The following LRRC4C variants were observed in gnomAD, a reference collection of about 807,000 sequenced individuals.
The protein encoded by LRRC4C is leucine rich repeat containing 4C, also known as leucine-rich repeat-containing protein 4C.
In LRRC4C, 5 loss-of-function variants were observed where a neutral mutation model predicts 33.6. The observed-to-expected ratio is 0.15, with a 90% CI of 0.08 to 0.31. The LOEUF (loss-of-function observed/expected upper bound fraction) is 0.31. Among genes scored for constraint, LRRC4C ranks in the 10% least tolerant of loss-of-function variants. The pLI is 1.00. For missense variants in LRRC4C, 560 were observed against 796.7 expected (o/e 0.70, Z 3.58); for synonymous variants, 329 against 302.0 (o/e 1.09, Z -0.93).
At chr11:40,920,621 A>G (rs1957132903) in intron 2 of LRRC4C, among the ~76,000 whole-genome samples, 1 of 152,134 alleles carries the variant, frequency 6.6e-6, no homozygotes. Flanking sequence ...CAGATTCATG[A>G]GTGGCCAGTC....
At chr11:41,008,541 T>C (rs773380286) in intron 1 of LRRC4C, among the ~76,000 whole-genome samples, 4 of 152,168 alleles carry the variant, frequency 2.6e-5, no homozygotes, top group Admixed American at 1.3e-4. Context: ...CAGACCTCCT[T>C]CTCAGTTTTA....
intron 4 of LRRC4C, among the ~76,000 whole-genome samples, chr11:40,243,506 C>A (rs1482225360): frequency 6.6e-6 from 1 of 152,018 alleles, no homozygotes; most frequent in Non-Finnish European, 1.5e-5. Flanking sequence ...TAGTTAGTGA[C>A]AAAAGTTAGA....
chr11:40,183,967 A>G (rs1020965326), intron 5 of LRRC4C, among the ~76,000 whole-genome samples: 7 of 152,234 alleles, frequency 4.6e-5, no homozygotes, highest in Non-Finnish European at 8.8e-5. Context: ...TAAATCATTA[A>G]CAGAAGACAG....
chr11:40,231,364 T>A (rs1865183580), intron 5 of LRRC4C, among the ~76,000 whole-genome samples: 1 of 152,322 alleles, frequency 6.6e-6, no homozygotes, highest in East Asian at 1.9e-4. Context: ...ACCGCACAAC[T>A]ATTTTTATTA....
intron 5 of LRRC4C, among the ~76,000 whole-genome samples, chr11:40,202,975 T>C (rs893931533): frequency 6.6e-6 from 1 of 152,222 alleles, no homozygotes; most frequent in African/African-American, 2.4e-5. Context: ...CTATTTACTT[T>C]TTTTTGTCCT....
chr11:40,649,830 A>G (rs1282082144), intron 2 of LRRC4C, among the ~76,000 whole-genome samples: 1 of 152,200 alleles, frequency 6.6e-6, no homozygotes, highest in African/African-American at 2.4e-5. Flanking sequence ...TTCACAATTT[A>G]TGTTCCTCTG....
At chr11:40,436,559 T>C (rs1951147948) in intron 3 of LRRC4C, among the ~76,000 whole-genome samples, 1 of 152,174 alleles carries the variant, frequency 6.6e-6, no homozygotes, top group African/African-American at 2.4e-5. Flanking sequence ...CCTGTCCTGC[T>C]TGAAGAGCCT....
intron 1 of LRRC4C, among the ~76,000 whole-genome samples, chr11:40,976,332 C>T (rs1852083317): frequency 6.6e-6 from 1 of 152,152 alleles, no homozygotes; most frequent in South Asian, 2.1e-4. Context: ...ACTATAATCA[C>T]TCAGAAAATA....
At chr11:40,390,173 C>T (rs1332343564) in intron 3 of LRRC4C, among the ~76,000 whole-genome samples, 3 of 152,174 alleles carry the variant, frequency 2.0e-5, no homozygotes, top group Non-Finnish European at 2.9e-5. Context: ...TCTGTTTAAA[C>T]AGTAAAGCAA....
chr11:41,109,494 G>T (rs1465464682), intron 1 of LRRC4C, among the ~76,000 whole-genome samples: 2 of 152,042 alleles, frequency 1.3e-5, no homozygotes, highest in Non-Finnish European at 2.9e-5. Flanking sequence ...AACTTACATT[G>T]CTTTGGCCCC....
At chr11:41,410,074 T>G (rs1954403657) in intron 1 of LRRC4C, among the ~76,000 whole-genome samples, 1 of 152,202 alleles carries the variant, frequency 6.6e-6, no homozygotes, top group East Asian at 1.9e-4. Context: ...AAGGGGCCTA[T>G]GTAGGCCCCA....
At chr11:40,567,255 A>T (rs2135543301) in intron 3 of LRRC4C, among the ~76,000 whole-genome samples, 1 of 152,274 alleles carries the variant, frequency 6.6e-6, no homozygotes, top group East Asian at 1.9e-4. Context: ...AGCCTTTTCA[A>T]AACACTTGGT....
At chr11:40,160,017 A>G (rs1421636277) in intron 5 of LRRC4C, among the ~76,000 whole-genome samples, 1 of 152,250 alleles carries the variant, frequency 6.6e-6, no homozygotes, top group African/African-American at 2.4e-5. Flanking sequence ...TATTACATGA[A>G]TAACAGAATG....
At chr11:40,543,375 T>A (rs1956798294) in intron 3 of LRRC4C, among the ~76,000 whole-genome samples, 1 of 152,156 alleles carries the variant, frequency 6.6e-6, no homozygotes, top group Admixed American at 6.6e-5. Flanking sequence ...CTCTTCTTTA[T>A]GCCTTTGTTA....
intron 1 of LRRC4C, among the ~76,000 whole-genome samples, chr11:41,221,356 A>G (rs1204532640): frequency 6.6e-6 from 1 of 152,148 alleles, no homozygotes. Flanking sequence ...ATGAGATACC[A>G]TTTAACACCA....
intron 4 of LRRC4C, among the ~76,000 whole-genome samples, chr11:40,270,014 T>C (rs968381196): frequency 6.6e-6 from 1 of 152,158 alleles, no homozygotes; most frequent in Non-Finnish European, 1.5e-5. Context: ...CAGCTAAGGC[T>C]TCTCCTGAAA....
At chr11:41,104,019 T>C (rs867399810) in intron 1 of LRRC4C, among the ~76,000 whole-genome samples, 1 of 151,886 alleles carries the variant, frequency 6.6e-6, no homozygotes, top group Non-Finnish European at 1.5e-5. Flanking sequence ...CAAGAAAATA[T>C]AGGATCAAAT....
chr11:40,996,729 C>A (rs1009289853), intron 1 of LRRC4C, among the ~76,000 whole-genome samples: 1 of 152,034 alleles, frequency 6.6e-6, no homozygotes, highest in Non-Finnish European at 1.5e-5. Context: ...ACACTTATGA[C>A]AAATGGCAAA....
chr11:40,673,780 C>G (rs1275191293), intron 2 of LRRC4C, among the ~76,000 whole-genome samples: 1 of 152,142 alleles, frequency 6.6e-6, no homozygotes, highest in Non-Finnish European at 1.5e-5. Flanking sequence ...TAAAAGGATT[C>G]CACAGGAAAC....
Sources: gnomAD v4.1 joint callset for allele counts (sites outside exome capture counted in the v4.1 genomes callset) on GRCh38, gnomAD v4.1.1 for gene constraint, MANE v1.5 for transcripts, NCBI Gene and HGNC (gene_info 2026-07-23, HGNC 2026-07-21) for gene names.